Variants in IQCM observed in about 807,000 individuals in gnomAD.
IQCM encodes IQ motif containing M, also known as IQ domain-containing protein M.
In IQCM, 45 loss-of-function variants were observed where a neutral mutation model predicts 57.6. That is an observed-to-expected ratio of 0.78 (90% CI 0.62 to 1.00). The LOEUF (loss-of-function observed/expected upper bound fraction) is 1.00, where lower values mean the gene tolerates loss of function less well. IQCM is among the 50% of genes least tolerant of loss of function. The pLI is 0.00. For missense variants in IQCM, 468 were observed against 511.6 expected (o/e 0.91, Z 0.82); for synonymous variants, 148 against 158.9 (o/e 0.93, Z 0.51).
At chr4:149,414,348 A>G (rs1017430725) in intron 13 of IQCM, among the ~76,000 whole-genome samples, 1 of 152,094 alleles carries the variant, frequency 6.6e-6, no homozygotes, top group South Asian at 2.1e-4. Context: ...GCCTCAAATT[A>G]CCTCAGGAGT....
At chr4:149,436,175 A>G (rs1735347056) in intron 12 of IQCM, among the ~76,000 whole-genome samples, 1 of 152,150 alleles carries the variant, frequency 6.6e-6, no homozygotes, top group East Asian at 1.9e-4. Flanking sequence ...TTTGTTTTGG[A>G]TACTGTATTT....
intron 13 of IQCM, among the ~76,000 whole-genome samples, chr4:149,352,917 A>G (rs1188610282): frequency 6.6e-6 from 1 of 152,176 alleles, no homozygotes; most frequent in Admixed American, 6.5e-5. Flanking sequence ...TTTAGGTCCT[A>G]TAGTTGTTAT....
chr4:149,540,376 A>G, intron 12 of IQCM, among the ~76,000 whole-genome samples: 1 of 151,100 alleles, frequency 6.6e-6, no homozygotes, highest in Non-Finnish European at 1.5e-5. Flanking sequence ...TCTGAACCCC[A>G]CAAGCTATGT....
intron 13 of IQCM, among the ~76,000 whole-genome samples, chr4:149,368,806 A>G (rs1207966538): frequency 4.4e-5 from 5 of 112,732 alleles, no homozygotes; most frequent in African/African-American, 1.1e-4. Flanking sequence ...ATATATATAC[A>G]TGTATATATA....
At chr4:149,519,053 T>C (rs1464524466) in intron 12 of IQCM, among the ~76,000 whole-genome samples, 2 of 152,214 alleles carry the variant, frequency 1.3e-5, no homozygotes, top group African/African-American at 4.8e-5. Context: ...CATGGTCTGG[T>C]TTCTTGTCAA....
chr4:149,782,718 T>C (rs886436592), intron 2 of IQCM, among the ~76,000 whole-genome samples: 2 of 151,428 alleles, frequency 1.3e-5, no homozygotes, highest in Non-Finnish European at 2.9e-5. Flanking sequence ...ACTGTGAATC[T>C]AACATTATTA....
intron 12 of IQCM, among the ~76,000 whole-genome samples, chr4:149,509,242 G>A (rs1744154280): frequency 1.3e-5 from 2 of 152,050 alleles, no homozygotes; most frequent in South Asian, 2.1e-4. Context: ...GGAGATTGAA[G>A]TTTTGATATT....
chr4:149,704,445 T>C (rs1015029200), intron 5 of IQCM, among the ~76,000 whole-genome samples: 2 of 151,856 alleles, frequency 1.3e-5, no homozygotes, highest in African/African-American at 4.8e-5. Flanking sequence ...GGCCACTTCC[T>C]TGCCACAAAG....
chr4:149,533,971 T>C (rs1424205580), intron 12 of IQCM, among the ~76,000 whole-genome samples: 1 of 152,164 alleles, frequency 6.6e-6, no homozygotes, highest in Non-Finnish European at 1.5e-5. Flanking sequence ...CACATTTATA[T>C]ACAATGAAAA....
chr4:149,500,381 C>A (rs1743112629), intron 12 of IQCM, among the ~76,000 whole-genome samples: 1 of 152,070 alleles, frequency 6.6e-6, no homozygotes. Context: ...GAAGTAAAAT[C>A]TGTGAGATGT....
chr4:149,472,853 C>CA (rs777042532), intron 12 of IQCM, among the ~76,000 whole-genome samples: 18 of 150,090 alleles, frequency 1.2e-4, no homozygotes, highest in East Asian at 3.9e-4. Context: ...ACAAACCTGA[C>CA]AAAAAAAAAG....
chr4:149,726,019 C>T (rs150416012), intron 5 of IQCM, among the ~76,000 whole-genome samples: 3 of 149,310 alleles, frequency 2.0e-5, no homozygotes, highest in East Asian at 4.0e-4. Context: ...TAGGCAAAGA[C>T]AGTTTCTTCC....
At chr4:149,684,907 T>G (rs544935789) in intron 6 of IQCM, among the ~76,000 whole-genome samples, 1 of 151,510 alleles carries the variant, frequency 6.6e-6, no homozygotes, top group Non-Finnish European at 1.5e-5. Flanking sequence ...AGGCTTTACA[T>G]GCCCTGAGCT....
At chr4:149,768,579 C>G (rs943594572) in intron 2 of IQCM, among the ~76,000 whole-genome samples, 4 of 151,900 alleles carry the variant, frequency 2.6e-5, no homozygotes, top group Non-Finnish European at 4.4e-5. Flanking sequence ...TACACACAAC[C>G]CTTAGGAACT....
intron 9 of IQCM, among the ~76,000 whole-genome samples, chr4:149,582,098 T>C (rs1458759816): frequency 6.6e-6 from 1 of 150,652 alleles, no homozygotes; most frequent in African/African-American, 2.4e-5. Context: ...CCTTGCCACA[T>C]GGAGAAAAAT....
chr4:149,591,045 T>C (rs576922814), intron 8 of IQCM, among the ~76,000 whole-genome samples: 3 of 152,192 alleles, frequency 2.0e-5, no homozygotes, highest in Admixed American at 1.3e-4. Flanking sequence ...TAAACTCCCC[T>C]GGAAAAATTT....
intron 9 of IQCM, among the ~76,000 whole-genome samples, chr4:149,580,986 C>T (rs1336150658): frequency 6.6e-6 from 1 of 151,610 alleles, no homozygotes; most frequent in Non-Finnish European, 1.5e-5. Context: ...TTCCCCTGTC[C>T]TTATTGAGCT....
chr4:149,794,730 A>G (rs1772959037), intron 2 of IQCM, among the ~76,000 whole-genome samples: 1 of 152,196 alleles, frequency 6.6e-6, no homozygotes. Context: ...TAAAATTAGA[A>G]TTCAATACAA....
At chr4:149,423,309 C>T (rs1054615968) in intron 13 of IQCM, among the ~76,000 whole-genome samples, 4 of 151,984 alleles carry the variant, frequency 2.6e-5, no homozygotes, top group African/African-American at 7.2e-5. Context: ...CATCAGATCT[C>T]GTGAGAACTC....
Sources: allele counts gnomAD v4.1 joint callset (sites outside exome capture counted in the v4.1 genomes callset), GRCh38; gene constraint gnomAD v4.1.1; transcripts MANE v1.5; gene names NCBI Gene and HGNC (gene_info 2026-07-23, HGNC 2026-07-21).